Variants in CALB2 observed in about 807,000 individuals in gnomAD.
The protein encoded by CALB2 is calbindin 2.
A neutral mutation model predicts 45.9 loss-of-function variants in CALB2; 34 were observed. The observed-to-expected ratio is 0.74, with a 90% CI of 0.56 to 0.99. The LOEUF (loss-of-function observed/expected upper bound fraction) is 0.99, where lower values mean the gene tolerates loss of function less well. CALB2 is among the 50% of genes least tolerant of loss of function. The pLI, the probability that CALB2 is intolerant of heterozygous loss-of-function variation, is 0.00. For synonymous variants in CALB2, 142 were observed against 129.6 expected (o/e 1.10, Z -0.65); for missense variants, 344 against 339.3 (o/e 1.01, Z -0.11).
At chr16:71,376,868 A>G (rs2042422692) in intron 3 of CALB2, among the ~76,000 whole-genome samples, 1 of 152,170 alleles carries the variant, frequency 6.6e-6, no homozygotes, top group African/African-American at 2.4e-5. Flanking sequence ...TCCATATACA[A>G]CCACTGTCCA....
At position 71,383,492 on chromosome 16, in the gene CALB2, C is replaced by T. The variant is rs553312346; in HGVS notation, c.477+48C>T. ...CTCCCCCAGGGTGCAGGACTTGTGC[C>T]CCAAGCCACTTGGGCTCTGGTGTGC... On this transcript the variant is annotated intron_variant, in intron 6 of 10. Coordinates refer to ENST00000302628, the MANE Select transcript of CALB2 (RefSeq NM_001740.5). 1,994 of 1,561,800 alleles carry T rather than the reference C, an allele frequency of 1.3e-3. 24 individuals are homozygous for T. In the African/African-American group the frequency reaches 0.024, roughly 19 times the overall value.
Position 71,384,021 on chromosome 16 carries a change from T to G in CALB2, c.529T>G (p.Ser177Ala). ...GDGKLGLSEM[S>A]RLLPVQENFL... ...TGGCAAATTGGGCCTCTCAGAGATG[T>G]CCCGGTAAGCACCTCACCCCCGGGG... The change falls in exon 7 of 11, where the codon TCC (serine) becomes GCC (alanine). Residue 177 changes from serine (S) to alanine (A), a missense_variant. This residue lies in a region of CALB2 where 263 missense variants were observed against 241.7 expected (regional missense o/e 1.09). Coordinates refer to ENST00000302628, the MANE Select transcript of CALB2 (RefSeq NM_001740.5). The G allele has an allele frequency of 2.5e-6, 4 of 1,613,808 alleles. No individual in the cohort carries two copies. The highest frequency in any genetic ancestry group is 3.4e-6 in the Non-Finnish European group (4 of 1,179,808).
intron 1 of CALB2, 33 bp from the exon 2 acceptor site, chr16:71,372,120 G>A: frequency 6.8e-7 from 1 of 1,465,622 alleles, no homozygotes; most frequent in East Asian, 2.3e-5. Context: ...ACTATTTAGT[G>A]CTGAGATTGA....
intron 1 of CALB2, among the ~76,000 whole-genome samples, chr16:71,368,457 G>A (rs144680337): frequency 4.6e-4 from 70 of 152,278 alleles, no homozygotes; most frequent in African/African-American, 1.1e-3. Flanking sequence ...GCACTGAGCC[G>A]TGATCCAGCC....
chr16:71,363,697 C>T (rs1267090771), intron 1 of CALB2, among the ~76,000 whole-genome samples: 1 of 152,212 alleles, frequency 6.6e-6, no homozygotes, highest in Non-Finnish European at 1.5e-5. Flanking sequence ...ATGAGAGGTC[C>T]TGCAATACCA....
At chr16:71,380,925 A>G (rs2042483691) in intron 4 of CALB2, among the ~76,000 whole-genome samples, 1 of 152,182 alleles carries the variant, frequency 6.6e-6, no homozygotes, top group Non-Finnish European at 1.5e-5. Flanking sequence ...CTTGAATGAG[A>G]AGAGAAAGGA....
At chr16:71,389,701 C>T (rs200854151) in intron 10 of CALB2, 48 bp from the exon 11 acceptor site, 10 of 1,382,198 alleles carry the variant, frequency 7.2e-6, no homozygotes, top group South Asian at 1.2e-5. Flanking sequence ...CTCCTTGCGT[C>T]GGGACCATCC....
At chr16:71,382,850 T>C in intron 5 of CALB2, 75 bp downstream of exon 5, 1 of 1,329,218 alleles carries the variant, frequency 7.5e-7, no homozygotes, top group Non-Finnish European at 1.0e-6. Context: ...GAGGAGATGT[T>C]GGATGAGGGG....
At chr16:71,388,220 G>C (rs758031723) in intron 10 of CALB2, among the ~76,000 whole-genome samples, 3 of 151,858 alleles carry the variant, frequency 2.0e-5, no homozygotes, top group Non-Finnish European at 2.9e-5. Context: ...TATAGTCGTA[G>C]CTACTTGGGA....
chr16:71,369,724 G>T (rs1276625314), intron 1 of CALB2, among the ~76,000 whole-genome samples: 1 of 152,110 alleles, frequency 6.6e-6, no homozygotes, highest in Non-Finnish European at 1.5e-5. Flanking sequence ...AGCTGCAGAT[G>T]CACCCAGGGC....
intron 1 of CALB2, among the ~76,000 whole-genome samples, chr16:71,369,659 A>T (rs2042324877): frequency 6.6e-6 from 1 of 151,672 alleles, no homozygotes; most frequent in African/African-American, 2.4e-5. Context: ...CATGACACGC[A>T]CTCGTGGTGC....
intron 1 of CALB2, among the ~76,000 whole-genome samples, chr16:71,369,439 C>T (rs1465615512): frequency 6.6e-6 from 1 of 152,192 alleles, no homozygotes; most frequent in Non-Finnish European, 1.5e-5. Flanking sequence ...AATGGCAGAA[C>T]ATGAAGGACC....
At chr16:71,374,146 A>G (rs1055988191) in intron 2 of CALB2, among the ~76,000 whole-genome samples, 5 of 152,224 alleles carry the variant, frequency 3.3e-5, no homozygotes, top group African/African-American at 1.2e-4. Flanking sequence ...GTGGGCTTGA[A>G]GGAATGTTTT....
intron 1 of CALB2, among the ~76,000 whole-genome samples, chr16:71,371,113 T>C (rs2042345873): frequency 6.6e-6 from 1 of 152,216 alleles, no homozygotes; most frequent in Non-Finnish European, 1.5e-5. Flanking sequence ...CCTGTTTAAT[T>C]ATAATAACCC....
intron 10 of CALB2, among the ~76,000 whole-genome samples, chr16:71,387,897 C>T (rs2042588417): frequency 6.6e-6 from 1 of 152,030 alleles, no homozygotes; most frequent in Non-Finnish European, 1.5e-5. Flanking sequence ...GTTTTCATGG[C>T]ACCAAACCAG....
At position 71,370,786 on chromosome 16, in the gene CALB2, C is replaced by T. The variant is rs145465721; in HGVS notation, c.95-1367C>T. Among the ~76,000 whole-genome samples, 478 of 152,278 alleles carry T rather than the reference C, an allele frequency of 3.1e-3. 4 individuals are homozygous for T. The highest frequency in any genetic ancestry group is 0.011 in the African/African-American group (451 of 41,560). On this transcript the variant is annotated intron_variant, in intron 1 of 10. Coordinates refer to ENST00000302628, the MANE Select transcript of CALB2 (RefSeq NM_001740.5). ...TTGCCACAGCAAAGTCTAGGAGGCACGGCCTGAGCCCTGCCTGATTTCCCA... is the reference window on the plus strand; with the variant it reads ...TTGCCACAGCAAAGTCTAGGAGGCATGGCCTGAGCCCTGCCTGATTTCCCA...
chr16:71,382,834 A>C, intron 5 of CALB2, 59 bp downstream of exon 5: 4 of 1,459,414 alleles, frequency 2.7e-6, no homozygotes, highest in South Asian at 1.3e-5. Context: ...AAGGTGCCTG[A>C]GGAGGGAGGA....
intron 1 of CALB2, among the ~76,000 whole-genome samples, chr16:71,367,023 A>G (rs2042295142): frequency 6.6e-6 from 1 of 152,066 alleles, no homozygotes; most frequent in African/African-American, 2.4e-5. Context: ...GCTCAGGGAG[A>G]ACAAGGTCTC....
intron 3 of CALB2, among the ~76,000 whole-genome samples, chr16:71,376,013 A>G (rs978626683): frequency 6.6e-6 from 1 of 152,226 alleles, no homozygotes; most frequent in East Asian, 1.9e-4. Context: ...GATGGCCAAC[A>G]GCCTAGTTAT....
Sources: gnomAD v4.1 joint callset for allele counts (sites outside exome capture counted in the v4.1 genomes callset) on GRCh38, gnomAD v4.1.1 for gene constraint, gnomAD v4.1.1 regional missense constraint, MANE v1.5 for transcripts, NCBI Gene and HGNC (gene_info 2026-07-23, HGNC 2026-07-21) for gene names.